COL6A2: variants seen among roughly 807,000 people sequenced by gnomAD.
COL6A2 encodes the protein collagen alpha-2(VI) chain.
In COL6A2, 90 loss-of-function variants were observed where a neutral mutation model predicts 124.9. That is an observed-to-expected ratio of 0.72 (90% CI 0.61 to 0.86). The LOEUF is 0.86. Ranked by LOEUF, COL6A2 falls within the 40% of genes least tolerant of loss-of-function variation. The pLI is 0.00. For synonymous variants in COL6A2, 793 were observed against 618.2 expected (o/e 1.28, Z -4.19); for missense variants, 1,607 against 1,502.5 (o/e 1.07, Z -1.15).
In COL6A2 at chr21:46,112,087, C is replaced by T. The variant is rs750009012; in HGVS notation, c.224C>T (p.Pro75Leu). The T allele has an allele frequency of 1.2e-5, 20 of 1,613,058 alleles. No homozygotes were observed. Among genetic ancestry groups the T allele is most frequent in the South Asian group, 3.3e-5 (3 of 91,086 alleles). Reference sequence around the variant, plus strand: ...CTCTTCCACATGAAGCAGTTCGTGCCGCAGTTCATCAGCCAGCTGCAGAAC... The same window carrying T: ...CTCTTCCACATGAAGCAGTTCGTGCTGCAGTTCATCAGCCAGCTGCAGAAC... ...ILLFHMKQFV[P>L]QFISQLQNEF... Residue 75 changes from proline to leucine, a missense_variant, in exon 3 of 28, where the codon CCG becomes CTG. This residue lies in a region of COL6A2 where 342 missense variants were observed against 381.5 expected (regional missense o/e 0.90). Transcript: ENST00000300527.
rs1320890080 is a variant in COL6A2, at chr21:46,124,558, G to A, written c.1672-93G>A. 13 of 1,166,960 alleles carry A rather than the reference G, an allele frequency of 1.1e-5. No homozygotes were observed. In the South Asian group the frequency reaches 1.4e-4, roughly 12 times the overall value. 72.3% of individuals were successfully genotyped at this position (1,166,960 alleles called of 1,614,324 possible). A position where few individuals can be genotyped will look rare whatever the true frequency, so the allele number is the denominator to read the frequency against. On this transcript the variant is annotated intron_variant, in intron 21 of 27. Coordinates refer to ENST00000300527, the MANE Select transcript of COL6A2 (RefSeq NM_001849.4). ...GTTAGCCCCCCCCCCCGCCAAGGGA[G>A]GACCCGTGGTTGGGGACAGCACAGG...
At position 46,132,237 on chromosome 21, in the gene COL6A2, G is replaced by T; in HGVS notation, c.2745G>T (p.Ser915=). ...LETTQYLNSF[S]HVGAGVVHAI... The stretch of plus-strand genomic sequence containing the variant: ...CCACACAATACCTGAACTCCTTCTC[G>T]CACGTGGGCGCAGGCGTGGTGCACG... Residue 915 remains serine, a synonymous_variant, in exon 28 of 28, where the codon TCG becomes TCT. Coordinates refer to ENST00000300527, the MANE Select transcript of COL6A2 (RefSeq NM_001849.4). The T allele has an allele frequency of 1.2e-6, 2 of 1,600,938 alleles. No individual in the cohort carries two copies. Among genetic ancestry groups the T allele is most frequent in the Non-Finnish European group, 1.7e-6 (2 of 1,175,436 alleles).
At chr21:46,113,496 C>G (rs1244978441) in intron 4 of COL6A2, 1 of 154,296 alleles carries the variant, frequency 6.5e-6, no homozygotes, top group African/African-American at 2.4e-5. Flanking sequence ...CCCACCTCAG[C>G]CTCCCAAGTA....
intron 1 of COL6A2, among the ~76,000 whole-genome samples, chr21:46,098,495 C>A (rs1273517365): frequency 1.3e-5 from 2 of 151,708 alleles, no homozygotes; most frequent in African/African-American, 4.8e-5. Flanking sequence ...GGTGCTGGGA[C>A]CCCCGCTCCC....
At chr21:46,120,807 A>G (rs2078554034) in intron 16 of COL6A2, among the ~76,000 whole-genome samples, 1 of 151,724 alleles carries the variant, frequency 6.6e-6, no homozygotes, top group African/African-American at 2.4e-5. Context: ...ACCCCAAAGT[A>G]GGGGACCCAG....
intron 15 of COL6A2, 46 bp from the exon 16 acceptor site, chr21:46,120,468 CG>C: frequency 6.8e-7 from 1 of 1,477,580 alleles, no homozygotes; most frequent in Non-Finnish European, 9.2e-7. Flanking sequence ...GGACCCAGGC[CG>C]GAGGCCTCAG....
chr21:46,120,997 T>C, intron 16 of COL6A2, 64 bp from the exon 17 acceptor site: 2 of 1,482,212 alleles, frequency 1.3e-6, no homozygotes, highest in Middle Eastern at 1.7e-4. Flanking sequence ...ACAGGATTGA[T>C]ACTGGGGACT....
chr21:46,129,417 C>T, intron 27 of COL6A2: 1 of 1,612,440 alleles, frequency 6.2e-7, no homozygotes, highest in South Asian at 1.1e-5. Flanking sequence ...CTGGATGGAG[C>T]TGTTCATTGA....
At position 46,131,598 on chromosome 21, in the gene COL6A2, C is replaced by T. The variant is rs570266096; in HGVS notation, c.2462-356C>T. 2.0e-5 allele frequency among the ~76,000 whole-genome samples: 3 copies of T among 152,298 alleles called. No homozygotes were observed. In the South Asian group the frequency reaches 6.2e-4, roughly 32 times the overall value. On this transcript the variant is annotated intron_variant, in intron 27 of 27. Transcript: ENST00000300527. ...CTCCCACACTACACAGACAGTGGCC[C>T]TTTTGTGGGCAGCAAATTCTTGAGC...
intron 20 of COL6A2, 77 bp downstream of exon 20, chr21:46,122,608 A>T: frequency 6.7e-7 from 1 of 1,495,744 alleles, no homozygotes; most frequent in Non-Finnish European, 9.3e-7. Flanking sequence ...CACAATGCCC[A>T]CCGTCACTGA....
rs201478545 is a variant in COL6A2 at position 46,129,176 on chromosome 21, C to T, written c.2461+2635C>T. 9.2e-5 allele frequency: 148 copies of T among 1,612,784 alleles called. 1 individual carries two copies. The East Asian group carries it at 3.0e-3, about 33-fold the overall frequency. On this transcript the variant is annotated intron_variant, in intron 27 of 27. Coordinates refer to ENST00000300527, the MANE Select transcript of COL6A2 (RefSeq NM_001849.4). ...CGCCCACCGCAGGCCTTACAGTCTT[C>T]TCTGGACGCTCCCTTGCAGATGCAC...
Position 46,120,564 on chromosome 21 carries a change from A to G in COL6A2, c.1382A>G (p.Asn461Ser). 1.4e-6 allele frequency: 2 copies of G among 1,468,160 alleles called. No homozygotes were observed. The highest frequency in any genetic ancestry group is 1.8e-6 in the Non-Finnish European group (2 of 1,110,494). The allele number at this position is 1,468,160 out of a possible 1,614,324, so 90.9% of individuals were successfully genotyped here. The change falls in exon 16 of 28, where the codon AAC (asparagine) becomes AGC (serine). Residue 461 changes from asparagine to serine, a missense_variant. Transcript: ENST00000300527. Reference sequence around the variant, plus strand: ...CGCGGCCTGGCTGGAGAGGTTGGCAACAAAGGAGCCAAGGTAGGGGAGCAG... The same window carrying G: ...CGCGGCCTGGCTGGAGAGGTTGGCAGCAAAGGAGCCAAGGTAGGGGAGCAG... ...GPRGLAGEVG[N>S]KGAKGDRGLP...
In COL6A2 at chr21:46,101,342, C is replaced by T. The variant is rs150931255; in HGVS notation, c.-28+3169C>T. On this transcript the variant is annotated intron_variant, in intron 1 of 27. Coordinates refer to ENST00000300527, the MANE Select transcript of COL6A2 (RefSeq NM_001849.4). ...TAGATACACAGTTTACAGATATTTT[C>T]TCTCATTCTCTGGGTTCTTTTTACT... Among the ~76,000 whole-genome samples the T allele has an allele frequency of 5.0e-3, 759 of 152,214 alleles. 4 individuals carry two copies. The highest frequency in any genetic ancestry group is 7.7e-3 in the Non-Finnish European group (525 of 68,012).
At position 46,121,056 on chromosome 21, in the gene COL6A2, TC is replaced by T; in HGVS notation, c.1396-3del. 6.2e-7 allele frequency: 1 copy of T among 1,612,616 alleles called. No homozygotes were observed. The highest frequency in any genetic ancestry group is 8.5e-7 in the Non-Finnish European group (1 of 1,179,868). ...AGAACCCCAAATTCCTCCCCTTTCT[TC>T]CAGGGAGACCGAGGCTTGCCTGGAC... On this transcript the variant is annotated splice_region_variant and splice_polypyrimidine_tract_variant and intron_variant, in intron 16 of 27. Coordinates refer to ENST00000300527, the MANE Select transcript of COL6A2 (RefSeq NM_001849.4).
At chr21:46,121,311 C>T (rs577166486) in intron 17 of COL6A2, among the ~76,000 whole-genome samples, 188 bp downstream of exon 17, 1 of 152,206 alleles carries the variant, frequency 6.6e-6, no homozygotes, top group Non-Finnish European at 1.5e-5. Context: ...CCCAGCCCCC[C>T]ATCCTGCCCT....
intron 21 of COL6A2, among the ~76,000 whole-genome samples, chr21:46,123,828 G>A (rs866563854): frequency 1.3e-5 from 2 of 148,210 alleles, no homozygotes; most frequent in Admixed American, 6.7e-5. Flanking sequence ...GAATGGATGG[G>A]TGCATAAAGG....
chr21:46,129,761 C>T, intron 27 of COL6A2: 4 of 1,333,238 alleles, frequency 3.0e-6, no homozygotes, highest in Non-Finnish European at 3.8e-6. Context: ...ATTTAAGGCC[C>T]ACCCCAAGTC....
intron 15 of COL6A2, 77 bp downstream of exon 15, chr21:46,119,927 T>G: frequency 7.8e-7 from 1 of 1,287,166 alleles, no homozygotes; most frequent in Non-Finnish European, 1.1e-6. Context: ...CCCAACCCCA[T>G]TCCTCCCAGA....
chr21:46,112,220 CA>C lies in COL6A2; in HGVS notation c.359del (p.Lys120ArgfsTer22). 2 of 1,612,926 alleles carry C rather than the reference CA, an allele frequency of 1.2e-6. No individual in the cohort carries two copies. The highest frequency in any genetic ancestry group is 1.7e-6 in the Non-Finnish European group (2 of 1,180,032). Reference protein sequence around the residue: ...PPGSDRASFIKNLQGISSFRR... With the variant: ...PPGSDRASFIXNLQGISSFRR... ...CGGGCAGCGACCGGGCCTCCTTCAT[CA>C]AGAACCTGCAGGGCATCAGCTCCTT... On this transcript the variant is annotated frameshift_variant, in exon 3 of 28. Coordinates refer to ENST00000300527, the MANE Select transcript of COL6A2 (RefSeq NM_001849.4). LOFTEE classifies it high-confidence loss of function.
Sources: gnomAD v4.1 joint callset for allele counts (sites outside exome capture counted in the v4.1 genomes callset) on GRCh38, gnomAD v4.1.1 for gene constraint, gnomAD v4.1.1 regional missense constraint, MANE v1.5 for transcripts, NCBI Gene and HGNC (gene_info 2026-07-23, HGNC 2026-07-21) for gene names.